LRRC37A2: variants seen among roughly 807,000 people sequenced by gnomAD.
LRRC37A2 encodes leucine-rich repeat-containing protein 37A2.
Under a neutral mutation model 68.8 loss-of-function variants are expected in LRRC37A2, and 9 were observed. That is an observed-to-expected ratio of 0.13 (90% CI 0.08 to 0.23). LRRC37A2 has a LOEUF of 0.23. Among genes scored for constraint, LRRC37A2 ranks in the 10% least tolerant of loss-of-function variants. The pLI, the probability that LRRC37A2 is intolerant of heterozygous loss-of-function variation, is 1.00. For missense variants in LRRC37A2, 168 were observed against 950.4 expected, an observed-to-expected ratio of 0.18 and a Z score of 10.82; for synonymous variants, 63 against 367.6, an observed-to-expected ratio of 0.17 and a Z score of 9.48.
At chr17:46,944,746 C>T in the LRRC37A2 span, among the ~76,000 whole-genome samples, 1 of 151,992 alleles carries the variant, frequency 6.6e-6, no homozygotes, top group African/African-American at 2.4e-5. Flanking sequence ...ATTACAGGCA[C>T]CCACTACCAC....
the LRRC37A2 span, among the ~76,000 whole-genome samples, chr17:46,798,551 T>C: frequency 6.6e-6 from 1 of 152,186 alleles, no homozygotes; most frequent in Non-Finnish European, 1.5e-5. Flanking sequence ...GAATTCCTTC[T>C]CAGAGTTTAG....
At chr17:46,725,206 T>G in the LRRC37A2 span, among the ~76,000 whole-genome samples, 1 of 152,178 alleles carries the variant, frequency 6.6e-6, no homozygotes. Flanking sequence ...ACTTGTGTTG[T>G]TTCAACCATT....
the LRRC37A2 span, among the ~76,000 whole-genome samples, chr17:46,975,706 C>T: frequency 6.6e-6 from 1 of 152,132 alleles, no homozygotes; most frequent in East Asian, 1.9e-4. Flanking sequence ...CACCATGTGC[C>T]CACGTGTGCA....
chr17:46,872,339 A>G, the LRRC37A2 span, among the ~76,000 whole-genome samples: 3 of 152,224 alleles, frequency 2.0e-5, no homozygotes, highest in African/African-American at 7.2e-5. Flanking sequence ...GTCCTGCAGC[A>G]ACCTTTGTTA....
the LRRC37A2 span, chr17:46,851,741 C>A: frequency 8.2e-7 from 1 of 1,221,474 alleles, no homozygotes; most frequent in Non-Finnish European, 1.0e-6. The surrounding 1 kb of genome is among the most constrained non-coding windows in gnomAD (Gnocchi z 4.3). Flanking sequence ...GCCCCCCGCC[C>A]GCTCCCCGGC....
chr17:46,966,507 C>A, the LRRC37A2 span: 1 of 685,796 alleles, frequency 1.5e-6, no homozygotes, highest in South Asian at 1.6e-5. Flanking sequence ...CCCACCACAC[C>A]CGATTAATTT....
At chr17:46,823,056 T>C in the LRRC37A2 span, among the ~76,000 whole-genome samples, 5 of 140,634 alleles carry the variant, frequency 3.6e-5, no homozygotes, top group South Asian at 2.1e-4. Context: ...ATAATAAATA[T>C]GTATTTATAA....
the LRRC37A2 span, among the ~76,000 whole-genome samples, chr17:46,827,768 T>G: frequency 1.3e-5 from 2 of 152,016 alleles, no homozygotes; most frequent in Non-Finnish European, 2.9e-5. Context: ...GTGTTAGGAT[T>G]TCTTTTTCTT....
the LRRC37A2 span, chr17:46,876,570 C>G: frequency 1.2e-6 from 2 of 1,613,518 alleles, no homozygotes; most frequent in African/African-American, 2.7e-5. Flanking sequence ...TCCCGGGAGG[C>G]CAGCTGCAGC....
the LRRC37A2 span, chr17:46,923,034 C>T: frequency 1.5e-6 from 1 of 661,160 alleles, no homozygotes. Flanking sequence ...TTCCCCTTCT[C>T]CGATCTCGCA....
At chr17:47,011,366 T>A in the LRRC37A2 span, among the ~76,000 whole-genome samples, 2 of 152,108 alleles carry the variant, frequency 1.3e-5, no homozygotes, top group East Asian at 3.9e-4. Flanking sequence ...CTGGCCAACA[T>A]GGTGAAACCC....
chr17:46,931,659 C>CACCCCT, the LRRC37A2 span: 4 of 321,158 alleles, frequency 1.2e-5, no homozygotes, highest in Admixed American at 4.8e-5. Flanking sequence ...TTGCCACCTC[C>CACCCCT]ACCCCCAGCG....
the LRRC37A2 span, among the ~76,000 whole-genome samples, chr17:46,715,598 G>A: frequency 6.6e-6 from 1 of 152,154 alleles, no homozygotes; most frequent in Admixed American, 6.5e-5. Flanking sequence ...GTGGGTGGAT[G>A]GTCCTAGTTT....
the LRRC37A2 span, among the ~76,000 whole-genome samples, chr17:47,013,084 A>T: frequency 6.6e-6 from 1 of 152,242 alleles, no homozygotes; most frequent in Non-Finnish European, 1.5e-5. Flanking sequence ...GAAAACATTA[A>T]GTGAAAGAAG....
At chr17:46,851,836 C>T in the LRRC37A2 span, 2 of 470,004 alleles carry the variant, frequency 4.3e-6, no homozygotes, top group African/African-American at 2.0e-5. The surrounding 1 kb of genome is among the most constrained non-coding windows in gnomAD (Gnocchi z 4.3). Flanking sequence ...CGAACTCAGA[C>T]CCTAGCCCGG....
the LRRC37A2 span, among the ~76,000 whole-genome samples, chr17:47,002,634 C>T: frequency 2.0e-5 from 3 of 152,172 alleles, no homozygotes; most frequent in Non-Finnish European, 4.4e-5. Context: ...AGGTGATCCA[C>T]CTGCCTCGGC....
the LRRC37A2 span, among the ~76,000 whole-genome samples, chr17:46,922,372 T>C: frequency 5.3e-5 from 8 of 152,094 alleles, no homozygotes; most frequent in African/African-American, 1.9e-4. Context: ...TTAGGAGATA[T>C]ACCTAATGTA....
the LRRC37A2 span, among the ~76,000 whole-genome samples, chr17:46,757,640 C>T: frequency 1.8e-4 from 27 of 151,792 alleles, no homozygotes; most frequent in Non-Finnish European, 3.2e-4. Context: ...TTAAAAACAT[C>T]ATTAGAGTAT....
chr17:46,745,027 G>A, the LRRC37A2 span, among the ~76,000 whole-genome samples: 1 of 128,634 alleles, frequency 7.8e-6, no homozygotes, highest in Admixed American at 8.7e-5. Flanking sequence ...TTCCCAAATA[G>A]GTTATCACTC....
Sources: gnomAD v4.1 joint callset for allele counts (sites outside exome capture counted in the v4.1 genomes callset) on GRCh38, gnomAD v4.1.1 for gene constraint, Gnocchi (gnomAD v3.1) non-coding constraint, MANE v1.5 for transcripts, NCBI Gene and HGNC (gene_info 2026-07-23, HGNC 2026-07-21) for gene names.